The following LARP1 variants were observed in gnomAD, a reference collection of about 807,000 sequenced individuals.
The protein encoded by LARP1 is La ribonucleoprotein 1, translational regulator.
A neutral mutation model predicts 122.7 loss-of-function variants in LARP1; 36 were observed. The observed-to-expected ratio is 0.29, with a 90% CI of 0.22 to 0.39. LARP1 has a LOEUF of 0.39. LARP1 is among the 10% of genes least tolerant of loss of function. The pLI is 1.00. For synonymous variants in LARP1, 539 were observed against 528.7 expected (o/e 1.02, Z -0.27); for missense variants, 1,040 against 1,403.6 (o/e 0.74, Z 4.14).
chr5:154,722,775 G>A lies in LARP1; in HGVS notation c.205+9645G>A, dbSNP rs546609013. Among the ~76,000 whole-genome samples the A allele has an allele frequency of 2.7e-5, 4 of 148,024 alleles. No individual in the cohort carries two copies. The East Asian group carries it at 8.1e-4, about 30-fold the overall frequency. ...AGCTCACTGCAACATCTGCCTCCCAGATTCAAGCGATTCTCCTGCCTCAGT... is the reference window on the plus strand; with the variant it reads ...AGCTCACTGCAACATCTGCCTCCCAAATTCAAGCGATTCTCCTGCCTCAGT... On this transcript the variant is annotated intron_variant, in intron 1 of 18. Coordinates refer to the LARP1 transcript ENST00000336314.
chr5:154,685,051 C>T (rs1485336929), intron 1 of LARP1, among the ~76,000 whole-genome samples: 1 of 152,134 alleles, frequency 6.6e-6, no homozygotes, highest in Non-Finnish European at 1.5e-5. Flanking sequence ...CGACACCAGC[C>T]TGACCAACAT....
At chr5:154,797,162 T>C (rs1252467879) in intron 8 of LARP1, among the ~76,000 whole-genome samples, 5 of 151,856 alleles carry the variant, frequency 3.3e-5, no homozygotes, top group Admixed American at 2.6e-4. Flanking sequence ...TTCTAGATGA[T>C]TTTTTTGTTT....
At chr5:154,754,804 G>T (rs1043590897), upstream of LARP1, among the ~76,000 whole-genome samples, 1 of 152,212 alleles carries the variant, frequency 6.6e-6, no homozygotes, top group African/African-American at 2.4e-5. Flanking sequence ...GGGGACCGAA[G>T]GGGCCAGGCC....
At chr5:154,753,381 A>G (rs189856497), upstream of LARP1, among the ~76,000 whole-genome samples, 275 of 152,210 alleles carry the variant, frequency 1.8e-3, 4 homozygotes, top group East Asian at 0.024. Context: ...AGGAGTTTGA[A>G]GCTGCAGTGA....
chr5:154,696,910 TGA>T (rs1189851640), intron 1 of LARP1, among the ~76,000 whole-genome samples: 1 of 151,990 alleles, frequency 6.6e-6, no homozygotes, highest in Non-Finnish European at 1.5e-5. Flanking sequence ...AATTTTCATG[TGA>T]GAGGGGTGTA....
intron 4 of LARP1, among the ~76,000 whole-genome samples, chr5:154,793,293 AGGGACTCT>A (rs1757478787): frequency 6.6e-6 from 1 of 152,154 alleles, no homozygotes; most frequent in African/African-American, 2.4e-5. Flanking sequence ...ACCTGTCTAT[AGGGACTCT>A]GGAAAGCATG....
chr5:154,697,310 A>G (rs551382630), intron 1 of LARP1, among the ~76,000 whole-genome samples: 6 of 150,546 alleles, frequency 4.0e-5, no homozygotes, highest in African/African-American at 7.3e-5. Flanking sequence ...TGGCTTAGAG[A>G]GTTTGGGATT....
chr5:154,809,948 C>A (rs1302153457), intron 16 of LARP1, among the ~76,000 whole-genome samples: 1 of 151,946 alleles, frequency 6.6e-6, no homozygotes, highest in Non-Finnish European at 1.5e-5. Context: ...ACCTTGTGAT[C>A]CGCCTGTCTC....
chr5:154,684,432 T>TCA (rs375968638), intron 1 of LARP1, among the ~76,000 whole-genome samples: 5 of 152,026 alleles, frequency 3.3e-5, no homozygotes, highest in South Asian at 4.2e-4. Context: ...TGAGACCCTT[T>TCA]CACACACACA....
At chr5:154,739,690 T>C (rs1020494844) in intron 1 of LARP1, among the ~76,000 whole-genome samples, 5 of 151,948 alleles carry the variant, frequency 3.3e-5, no homozygotes, top group African/African-American at 1.2e-4. Flanking sequence ...TGAGCCACCA[T>C]ACCCAGCTAC....
chr5:154,758,380 G>C (rs962127629), intron 1 of LARP1, among the ~76,000 whole-genome samples: 1 of 152,216 alleles, frequency 6.6e-6, no homozygotes, highest in Non-Finnish European at 1.5e-5. Context: ...TAAGGCAAGA[G>C]AGTGTCTACT....
chr5:154,707,941 G>A (rs1048972211), upstream of LARP1, among the ~76,000 whole-genome samples: 5 of 152,168 alleles, frequency 3.3e-5, no homozygotes, highest in Non-Finnish European at 5.9e-5. Flanking sequence ...AATCCAGAAC[G>A]TATGGAGATT....
upstream of LARP1, among the ~76,000 whole-genome samples, chr5:154,708,503 CAT>C (rs540776783): frequency 2.1e-4 from 32 of 152,326 alleles, no homozygotes; most frequent in East Asian, 4.0e-3. Context: ...TAAGAGAAGA[CAT>C]GTGTGCTCTG....
At chr5:154,686,544 T>C (rs1753949150) in intron 1 of LARP1, among the ~76,000 whole-genome samples, 1 of 152,202 alleles carries the variant, frequency 6.6e-6, no homozygotes, top group Non-Finnish European at 1.5e-5. Flanking sequence ...ATCCAGATTT[T>C]CCAATTCTCT....
At chr5:154,756,223 C>CG in intron 1 of LARP1, 30 bp downstream of exon 1, 1 of 1,220,104 alleles carries the variant, frequency 8.2e-7, no homozygotes, top group East Asian at 7.8e-5. Flanking sequence ...CTCCTGGGTC[C>CG]GGGGGCCTCT....
Position 154,806,149 on chromosome 5 carries a change from AGACAT to A in LARP1, c.2698+123_2698+127del, listed in dbSNP as rs1289603828. 4.5e-6 allele frequency: 5 copies of A among 1,109,134 alleles called. No individual in the cohort carries two copies. In the Admixed American group the frequency reaches 7.9e-5, roughly 18 times the overall value. 68.7% of individuals were successfully genotyped at this position (1,109,134 alleles called of 1,614,324 possible). A position where few individuals can be genotyped will look rare whatever the true frequency, so the allele number is the denominator to read the frequency against. The stretch of plus-strand genomic sequence containing the variant: ...TTTCTCTGACTTCAGAGCAAAAAAA[AGACAT>A]GACATTATAGCAAGAAAGACTGAAG... On this transcript the variant is annotated intron_variant, in intron 15 of 18. Coordinates refer to ENST00000518297, the MANE Select transcript of LARP1 (RefSeq NM_033551.3).
At chr5:154,772,863 T>C (rs915732471) in intron 1 of LARP1, among the ~76,000 whole-genome samples, 25 of 152,146 alleles carry the variant, frequency 1.6e-4, no homozygotes, top group African/African-American at 5.3e-4. Context: ...AATTTTGTAT[T>C]TTTAGTAGAG....
chr5:154,795,089 TG>T, intron 7 of LARP1, 85 bp from the exon 8 acceptor site: 1 of 1,306,858 alleles, frequency 7.7e-7, no homozygotes, highest in Non-Finnish European at 1.1e-6. Context: ...GTGAGATTGC[TG>T]GGGTGTGTAG....
intron 1 of LARP1, among the ~76,000 whole-genome samples, chr5:154,739,745 T>G (rs1757118706): frequency 6.6e-6 from 1 of 152,132 alleles, no homozygotes; most frequent in African/African-American, 2.4e-5. Flanking sequence ...TTCTTTCTCT[T>G]TATTCAGATG....
Sources: allele counts gnomAD v4.1 joint callset (sites outside exome capture counted in the v4.1 genomes callset), GRCh38; gene constraint gnomAD v4.1.1; transcripts MANE v1.5; gene names NCBI Gene and HGNC (gene_info 2026-07-23, HGNC 2026-07-21).